The following SATB2 variants were observed in gnomAD, a reference collection of about 807,000 sequenced individuals.
SATB2 encodes the protein SATB homeobox 2, also known as DNA-binding protein SATB2.
In SATB2, 1 loss-of-function variant was observed where a neutral mutation model predicts 73.4. That is an observed-to-expected ratio of 0.01 (90% CI 0.00 to 0.06). The LOEUF is 0.06. SATB2 is among the 10% of genes least tolerant of loss of function. SATB2 has a pLI of 1.00. For synonymous variants in SATB2, 397 were observed against 367.0 expected, an observed-to-expected ratio of 1.08 and a Z score of -0.93; for missense variants, 459 against 945.8, an observed-to-expected ratio of 0.49 and a Z score of 6.75.
chr2:199,304,686 T>TAAG (rs1687381736), intron 10 of SATB2, among the ~76,000 whole-genome samples: 1 of 152,202 alleles, frequency 6.6e-6, no homozygotes, highest in Admixed American at 6.5e-5. Flanking sequence ...TGACAGGATC[T>TAAG]AGCTTACGAA....
intron 10 of SATB2, among the ~76,000 whole-genome samples, chr2:199,277,297 C>A (rs1024160246): frequency 6.6e-6 from 1 of 152,046 alleles, no homozygotes; most frequent in Non-Finnish European, 1.5e-5. Context: ...TCAAACTGTA[C>A]AATTAAAATC....
chr2:199,326,746 G>A (rs556276737), intron 8 of SATB2, among the ~76,000 whole-genome samples: 1 of 152,202 alleles, frequency 6.6e-6, no homozygotes, highest in South Asian at 2.1e-4. Flanking sequence ...CAACTTACTA[G>A]CTCAGTATGT....
intron 3 of SATB2, among the ~76,000 whole-genome samples, chr2:199,395,255 A>T (rs1690264129): frequency 6.6e-6 from 1 of 152,186 alleles, no homozygotes; most frequent in Non-Finnish European, 1.5e-5. Flanking sequence ...ATCCATCAAG[A>T]AATTGGGCAT....
At chr2:199,307,136 T>C (rs551182677) in intron 10 of SATB2, among the ~76,000 whole-genome samples, 3 of 152,100 alleles carry the variant, frequency 2.0e-5, no homozygotes, top group African/African-American at 7.2e-5. Flanking sequence ...GGGGGAGTGA[T>C]AGATTTTCAT....
rs1691565940 is a variant in SATB2, at chr2:199,433,513, A to G, written c.171T>C (p.Gly57=). ...CGACACAAAAGACAGGAATCATCAA[A>G]CCTGAAGGGACAAAATTCAAGAGCA... ...PNGAVAKAVG[G]LMIPVFCVVE... The change falls in exon 3 of 11, where the codon GGT becomes GGC. Residue 57 remains glycine, a splice_region_variant and synonymous_variant. Coordinates refer to ENST00000417098, the MANE Select transcript of SATB2 (RefSeq NM_001172509.2). The G allele has an allele frequency of 6.2e-7, 1 of 1,614,062 alleles. No individual in the cohort carries two copies. The highest frequency in any genetic ancestry group is 8.5e-7 in the Non-Finnish European group (1 of 1,179,922).
chr2:199,339,944 T>C (rs998384214), intron 7 of SATB2, among the ~76,000 whole-genome samples: 14 of 152,216 alleles, frequency 9.2e-5, no homozygotes, highest in Admixed American at 2.6e-4. Context: ...ACTGTGCCAC[T>C]TCAAAATATA....
intron 5 of SATB2, among the ~76,000 whole-genome samples, chr2:199,379,096 T>C (rs1041629254): frequency 6.6e-6 from 1 of 152,212 alleles, no homozygotes; most frequent in Non-Finnish European, 1.5e-5. Context: ...TTCAAAGCTT[T>C]AGATGATTTG....
At chr2:199,402,436 T>C (rs1201476457) in intron 3 of SATB2, among the ~76,000 whole-genome samples, 4 of 151,670 alleles carry the variant, frequency 2.6e-5, no homozygotes, top group African/African-American at 7.3e-5. Context: ...CAGGTACCTG[T>C]AGTCTCAGCT....
intron 3 of SATB2, among the ~76,000 whole-genome samples, chr2:199,401,785 T>C (rs1690488030): frequency 6.6e-6 from 1 of 152,138 alleles, no homozygotes; most frequent in African/African-American, 2.4e-5. Context: ...GAGTAAGTGT[T>C]GCAGATGCAG....
At chr2:199,342,158 A>G (rs1428991513) in intron 7 of SATB2, among the ~76,000 whole-genome samples, 2 of 152,136 alleles carry the variant, frequency 1.3e-5, no homozygotes, top group Middle Eastern at 3.2e-3. Flanking sequence ...AAGTAAAACC[A>G]TGGGCCGGGG....
upstream of SATB2, chr2:199,469,538 G>A (rs1174166809): frequency 2.0e-5 from 3 of 152,262 alleles, no homozygotes; most frequent in African/African-American, 7.3e-5. Flanking sequence ...GAAAAGTGGT[G>A]GTGGGGGTGG....
chr2:199,315,297 A>G (rs1293031598), intron 9 of SATB2, among the ~76,000 whole-genome samples: 1 of 152,108 alleles, frequency 6.6e-6, no homozygotes, highest in South Asian at 2.1e-4. Context: ...ATTTTAAAAG[A>G]TTAAAATATT....
At chr2:199,458,367 A>G (rs115205614), upstream of SATB2, 3,053 of 289,436 alleles carry the variant, frequency 0.011, 119 homozygotes, top group African/African-American at 0.067. Flanking sequence ...GGGAGGAGGG[A>G]AGAGGAAGGG....
At chr2:199,289,628 CG>C (rs1169286667) in intron 10 of SATB2, among the ~76,000 whole-genome samples, 1 of 152,128 alleles carries the variant, frequency 6.6e-6, no homozygotes, top group African/African-American at 2.4e-5. Flanking sequence ...GAATACGCTT[CG>C]GGGTGGATTT....
At chr2:199,324,325 T>G (rs1486768147) in intron 8 of SATB2, among the ~76,000 whole-genome samples, 2 of 152,152 alleles carry the variant, frequency 1.3e-5, no homozygotes, top group African/African-American at 4.8e-5. Flanking sequence ...AAGAGCCAAT[T>G]CTTCCAGAAA....
intron 10 of SATB2, among the ~76,000 whole-genome samples, chr2:199,288,519 T>C (rs1045053726): frequency 1.3e-5 from 2 of 152,160 alleles, no homozygotes; most frequent in African/African-American, 4.8e-5. Context: ...TTAGGCCACA[T>C]TTTCTGTATA....
chr2:199,375,490 G>A (rs796078764), intron 5 of SATB2, among the ~76,000 whole-genome samples: 1 of 152,278 alleles, frequency 6.6e-6, no homozygotes, highest in African/African-American at 2.4e-5. Context: ...TATGCCTCAG[G>A]CTACAATTGT....
Position 199,463,868 on chromosome 2 carries a change from C to A in SATB2, c.-141+968G>T. 6.6e-6 allele frequency among the ~76,000 whole-genome samples: 1 copy of A among 152,222 alleles called. No individual in the cohort carries two copies. Among genetic ancestry groups the A allele is most frequent in the East Asian group, 1.9e-4 (1 of 5,180 alleles). ...CAGCAGGCGTCCAGAAATCCGCTCC[C>A]ACCCCTCGTAGGGGCAGGCAAGCTC... On this transcript the variant is annotated intron_variant, in intron 1 of 11. Transcript: ENST00000260926. The surrounding 1 kb of genome is among the most constrained non-coding windows in gnomAD (Gnocchi z 6.4).
intron 8 of SATB2, chr2:199,325,290 ATAT>A (rs1417925798): frequency 6.6e-6 from 1 of 152,158 alleles, no homozygotes; most frequent in East Asian, 1.9e-4. Context: ...AATGAGTTAG[ATAT>A]TATTATTTTC....
Sources: allele counts gnomAD v4.1 joint callset (sites outside exome capture counted in the v4.1 genomes callset), GRCh38; gene constraint gnomAD v4.1.1; non-coding constraint Gnocchi (gnomAD v3.1); transcripts MANE v1.5; gene names NCBI Gene and HGNC (gene_info 2026-07-23, HGNC 2026-07-21).